Variants in KIAA0586 observed in about 807,000 individuals in gnomAD.
The protein encoded by KIAA0586 is KIAA0586, also known as protein TALPID3.
Under a neutral mutation model 169.8 loss-of-function variants are expected in KIAA0586, and 144 were observed. The observed-to-expected ratio is 0.85, with a 90% CI of 0.74 to 0.97. KIAA0586 has a LOEUF of 0.97. KIAA0586 is among the 50% of genes least tolerant of loss of function. The pLI is 0.00. For missense variants in KIAA0586, 1,854 were observed against 1,823.0 expected (o/e 1.02, Z -0.31); for synonymous variants, 625 against 612.4 (o/e 1.02, Z -0.30).
rs1028681354 is a variant in KIAA0586, at chr14:58,450,666, C to G, written c.1049C>G (p.Pro350Arg). 9.9e-6 allele frequency: 16 copies of G among 1,609,084 alleles called. No individual in the cohort carries two copies. Among genetic ancestry groups the G allele is most frequent in the Non-Finnish European group, 1.3e-5 (15 of 1,175,678 alleles). Residue 350 changes from proline to arginine, a missense_variant, in exon 8 of 31, where the codon CCT becomes CGT. Coordinates refer to ENST00000652326, the MANE Select transcript of KIAA0586 (RefSeq NM_001329943.3). ...TPAPRRFAPV[P>R]VSRDDELSKR... is the part of the protein sequence containing the mutation. Reference sequence around the variant, plus strand: ...GCACCTCGCAGATTTGCTCCTGTACCTGTTTCAAGGGATGATGAACTATCA... The same window carrying G: ...GCACCTCGCAGATTTGCTCCTGTACGTGTTTCAAGGGATGATGAACTATCA...
rs1306526942 is a variant in KIAA0586 at position 58,460,081 on chromosome 14, A to C, written c.1884+11A>C. 3.6e-6 allele frequency: 5 copies of C among 1,375,690 alleles called. No homozygotes were observed. Among genetic ancestry groups the C allele is most frequent in the Middle Eastern group, 4.2e-4 (2 of 4,796 alleles). 85.2% of individuals were successfully genotyped at this position (1,375,690 alleles called of 1,614,324 possible). A position where few individuals can be genotyped will look rare whatever the true frequency, so the allele number is the denominator to read the frequency against. Reference sequence around the variant, plus strand: ...AAAGAGAGAAAGGAAGTAAGATCCTAATCTGTTCTTTTAACATAATTGTTG... The same window carrying C: ...AAAGAGAGAAAGGAAGTAAGATCCTCATCTGTTCTTTTAACATAATTGTTG... On this transcript the variant is annotated intron_variant, in intron 13 of 30. Coordinates refer to ENST00000652326, the MANE Select transcript of KIAA0586 (RefSeq NM_001329943.3).
chr14:58,469,515 A>G (rs947827153), intron 16 of KIAA0586, among the ~76,000 whole-genome samples: 1 of 152,182 alleles, frequency 6.6e-6, no homozygotes, highest in African/African-American at 2.4e-5. Flanking sequence ...TGAGCCAAGT[A>G]CAAACCCGGT....
At chr14:58,452,253 C>T (rs1165112753) in intron 8 of KIAA0586, among the ~76,000 whole-genome samples, 1 of 151,870 alleles carries the variant, frequency 6.6e-6, no homozygotes, top group Non-Finnish European at 1.5e-5. Context: ...TAACCAAATA[C>T]CACCTGTTCC....
intron 2 of KIAA0586, 47 bp downstream of exon 2, chr14:58,429,480 T>G: frequency 9.6e-7 from 1 of 1,037,242 alleles, no homozygotes; most frequent in Non-Finnish European, 1.5e-6. Context: ...ATTTTCAGTA[T>G]TGTCAAATAA....
In KIAA0586 at chr14:58,465,953, G is replaced by T. The variant is rs1230214414; in HGVS notation, c.2178G>T (p.Leu726Phe). 7 of 1,613,382 alleles carry T rather than the reference G, an allele frequency of 4.3e-6. No individual in the cohort carries two copies. The highest frequency in any genetic ancestry group is 2.5e-6 in the Non-Finnish European group (3 of 1,179,522). ...PVLPHGDQQY[L>F]FSPSREMPTF... ...TACCTCATGGCGATCAGCAATATTT[G>T]TTCAGCCCAAGTAGAGAAATGCCTA... The change falls in exon 15 of 31, where the codon TTG (leucine) becomes TTT (phenylalanine). Residue 726 changes from leucine (L) to phenylalanine (F), a missense_variant. By Grantham distance (22) the Leu-to-Phe change is conservative. Coordinates refer to ENST00000652326, the MANE Select transcript of KIAA0586 (RefSeq NM_001329943.3).
At chr14:58,429,997 A>G (rs2037226345) in intron 2 of KIAA0586, among the ~76,000 whole-genome samples, 1 of 152,212 alleles carries the variant, frequency 6.6e-6, no homozygotes, top group Non-Finnish European at 1.5e-5. Flanking sequence ...ATAAGTCTGT[A>G]TAATGAGAGT....
At chr14:58,434,980 G>C (rs1360959769) in intron 4 of KIAA0586, among the ~76,000 whole-genome samples, 2 of 151,624 alleles carry the variant, frequency 1.3e-5, no homozygotes, top group Non-Finnish European at 2.9e-5. Context: ...GTAGATATAG[G>C]GTCTCACTAT....
In KIAA0586 at chr14:58,442,746, C is replaced by G; in HGVS notation, c.451C>G (p.Leu151Val). ...TGTTTTTAAGGAAGTAAAGGTACAT[C>G]TGTTAGAAGATGCAGGCATAGAGAA... ...MPVFKEVKVH[L>V]LEDAGIEKDA... The change falls in exon 5 of 31, where the codon CTG (leucine) becomes GTG (valine). Residue 151 changes from leucine to valine, a missense_variant. By Grantham distance (32) the Leu-to-Val change is conservative (BLOSUM62 1). Coordinates refer to ENST00000652326, the MANE Select transcript of KIAA0586 (RefSeq NM_001329943.3). 1 of 1,589,132 alleles carries G rather than the reference C, an allele frequency of 6.3e-7. No homozygotes were observed. Among genetic ancestry groups the G allele is most frequent in the East Asian group, 2.3e-5 (1 of 44,216 alleles).
At position 58,461,043 on chromosome 14, in the gene KIAA0586, G is replaced by A; in HGVS notation, c.1942G>A (p.Gly648Arg). ...QDEDYMLQVY[G>R]KPVYQGHRST... Reference sequence around the variant, plus strand: ...TGAAGATTATATGTTACAAGTCTATGGAAAGCCAGTTTATCAGGGCCATCG... The same window carrying A: ...TGAAGATTATATGTTACAAGTCTATAGAAAGCCAGTTTATCAGGGCCATCG... The change falls in exon 14 of 31, where the codon GGA (glycine) becomes AGA (arginine). Residue 648 changes from glycine (G) to arginine (R), a missense_variant. Gly to Arg is a moderately radical substitution (Grantham distance 125). Coordinates refer to ENST00000652326, the MANE Select transcript of KIAA0586 (RefSeq NM_001329943.3). The A allele has an allele frequency of 1.2e-6, 2 of 1,612,106 alleles. No individual in the cohort carries two copies. Among genetic ancestry groups the A allele is most frequent in the Non-Finnish European group, 1.7e-6 (2 of 1,179,180 alleles).
chr14:58,508,738 C>T, intron 28 of KIAA0586, 29 bp downstream of exon 28: 2 of 1,539,990 alleles, frequency 1.3e-6, no homozygotes, highest in South Asian at 2.4e-5. Context: ...TTGTATTTTA[C>T]TTAAAATGAG....
rs750393862 is a variant in KIAA0586 at position 58,457,968 on chromosome 14, A to G, written c.1572A>G (p.Leu524=). The change falls in exon 11 of 31, where the codon TTA becomes TTG. Residue 524 remains leucine (L), a synonymous_variant. Coordinates refer to ENST00000652326, the MANE Select transcript of KIAA0586 (RefSeq NM_001329943.3). ...CCATGTATTCGCTTATCAATGCTTT[A>G]TCTACCAACAGGTAAGAGGATGTTG... ...GAAMYSLINA[L]STNREMSEKI... is the part of the protein sequence containing the mutation. 51 of 1,585,506 alleles carry G rather than the reference A, an allele frequency of 3.2e-5. 1 individual carries two copies. The South Asian group carries it at 5.7e-4, about 18-fold the overall frequency.
chr14:58,427,769 A>G lies in KIAA0586; in HGVS notation c.-496A>G, dbSNP rs933240594. On this transcript the variant is annotated 5_prime_UTR_variant, in exon 1 of 31. Coordinates refer to ENST00000652326, the MANE Select transcript of KIAA0586 (RefSeq NM_001329943.3). ...GGTGCGGGTCTCGGGCGTTCTGGAG[A>G]TACGTAGGGGTGAATTTATGTTTCC... 1 of 1,529,614 alleles carries G rather than the reference A, an allele frequency of 6.5e-7. No individual in the cohort carries two copies. Among genetic ancestry groups the G allele is most frequent in the Non-Finnish European group, 8.7e-7 (1 of 1,144,490 alleles). The allele number at this position is 1,529,614 out of a possible 1,614,324, so 94.8% of individuals were successfully genotyped here.
intron 29 of KIAA0586, among the ~76,000 whole-genome samples, chr14:58,533,018 A>G (rs1178580694): frequency 1.3e-5 from 2 of 152,232 alleles, no homozygotes; most frequent in Non-Finnish European, 2.9e-5. Context: ...CACAGAGGCT[A>G]TGGAAAACAG....
intron 30 of KIAA0586, among the ~76,000 whole-genome samples, chr14:58,541,491 T>C (rs1229130515): frequency 2.6e-5 from 4 of 152,190 alleles, no homozygotes; most frequent in African/African-American, 7.2e-5. Flanking sequence ...ATAATTACAG[T>C]GCAGTCTGGT....
rs2040721718 is a variant in KIAA0586, at chr14:58,465,887, T to C, written c.2112T>C (p.Pro704=). ...AGACTGACTTCTATGCAACAAAACC[T>C]AAGAAGATGGATTCTAAAATGAAAC... ...RTQTDFYATK[P]KKMDSKMKHS... The change falls in exon 15 of 31, where the codon CCT becomes CCC. Residue 704 remains proline (P), a synonymous_variant. Transcript: ENST00000652326. 2 of 1,612,954 alleles carry C rather than the reference T, an allele frequency of 1.2e-6. No homozygotes were observed. Among genetic ancestry groups the C allele is most frequent in the Non-Finnish European group, 1.7e-6 (2 of 1,179,256 alleles).
intron 14 of KIAA0586, among the ~76,000 whole-genome samples, chr14:58,461,805 TAGGTAGAA>T (rs959499977): frequency 3.3e-5 from 5 of 152,204 alleles, no homozygotes; most frequent in African/African-American, 9.6e-5. Flanking sequence ...CAAAGAGACT[TAGGTAGAA>T]AGGTGAAAAC....
chr14:58,440,091 C>G lies in KIAA0586; in HGVS notation c.411-2615C>G, dbSNP rs972654740. The G allele has an allele frequency of 7.2e-5, 23 of 319,716 alleles. No individual in the cohort carries two copies. In the Middle Eastern group the frequency reaches 3.5e-3, roughly 48 times the overall value. The allele number at this position is 319,716 out of a possible 1,614,324, so 19.8% of individuals were successfully genotyped here. A position where few individuals can be genotyped will look rare whatever the true frequency, so the allele number is the denominator to read the frequency against. ...CTAGAGACAGGGTTTGCCATGTTGC[C>G]CAGCTGGTCTTGAACTCCTGGGCTC... On this transcript the variant is annotated intron_variant, in intron 4 of 30. Coordinates refer to ENST00000652326, the MANE Select transcript of KIAA0586 (RefSeq NM_001329943.3).
chr14:58,481,786 A>C (rs2042044006), intron 20 of KIAA0586, among the ~76,000 whole-genome samples: 1 of 126,702 alleles, frequency 7.9e-6, no homozygotes, highest in African/African-American at 3.1e-5. Context: ...CCACCCCCAT[A>C]CACGTATATT....
intron 29 of KIAA0586, among the ~76,000 whole-genome samples, chr14:58,514,513 A>G (rs572582292): frequency 5.9e-5 from 9 of 152,182 alleles, no homozygotes; most frequent in African/African-American, 1.9e-4. Flanking sequence ...ATATATGTCT[A>G]TAAAGAAAGG....
Sources: allele counts gnomAD v4.1 joint callset (sites outside exome capture counted in the v4.1 genomes callset), GRCh38; gene constraint gnomAD v4.1.1; transcripts MANE v1.5; gene names NCBI Gene and HGNC (gene_info 2026-07-23, HGNC 2026-07-21).